PTPN14: variants seen among roughly 807,000 people sequenced by gnomAD.
PTPN14 encodes tyrosine-protein phosphatase non-receptor type 14.
In PTPN14, 53 loss-of-function variants were observed where a neutral mutation model predicts 126.8. The ratio of observed to expected loss-of-function variants is 0.42; its 90% confidence interval spans 0.34 to 0.53. PTPN14 has a LOEUF of 0.53. Ranked by LOEUF, PTPN14 falls within the 20% of genes least tolerant of loss-of-function variation. The probability of loss-of-function intolerance (pLI) is 0.08; values close to 1 mark genes in which losing one functional copy is unlikely to be tolerated. For synonymous variants in PTPN14, 630 were observed against 599.3 expected (o/e 1.05, Z -0.75); for missense variants, 1,257 against 1,552.9 (o/e 0.81, Z 3.20).
chr1:214,429,197 G>A (rs1217236789), intron 3 of PTPN14, among the ~76,000 whole-genome samples: 3 of 152,098 alleles, frequency 2.0e-5, no homozygotes, highest in Non-Finnish European at 4.4e-5. Flanking sequence ...GTCTAAAGAA[G>A]AATATGATCA....
chr1:214,435,190 T>G (rs1659884475), intron 3 of PTPN14, among the ~76,000 whole-genome samples: 1 of 152,074 alleles, frequency 6.6e-6, no homozygotes, highest in African/African-American at 2.4e-5. Flanking sequence ...TATTTATATA[T>G]TGGGCCAGGA....
chr1:214,460,643 G>C (rs1572014103), intron 2 of PTPN14, among the ~76,000 whole-genome samples: 3 of 150,852 alleles, frequency 2.0e-5, no homozygotes. Flanking sequence ...ACACACATCA[G>C]TGCAAACTGA....
At chr1:214,507,920 G>A (rs1654881450) in intron 1 of PTPN14, among the ~76,000 whole-genome samples, 1 of 152,084 alleles carries the variant, frequency 6.6e-6, no homozygotes. Flanking sequence ...GTTCCAGGCT[G>A]CAGTGAGCTA....
intron 12 of PTPN14, among the ~76,000 whole-genome samples, chr1:214,385,354 T>A (rs1457554901): frequency 1.3e-5 from 2 of 152,168 alleles, no homozygotes; most frequent in South Asian, 2.1e-4. Flanking sequence ...AAGGGCAAAA[T>A]TAGAATCAAG....
At chr1:214,518,981 G>A (rs375206660) in intron 1 of PTPN14, among the ~76,000 whole-genome samples, 1 of 152,048 alleles carries the variant, frequency 6.6e-6, no homozygotes, top group Non-Finnish European at 1.5e-5. Flanking sequence ...AGAACAAAAC[G>A]AAACAGGCCA....
intron 5 of PTPN14, among the ~76,000 whole-genome samples, chr1:214,406,986 T>C (rs1469301442): frequency 3.3e-5 from 5 of 152,178 alleles, no homozygotes; most frequent in African/African-American, 7.2e-5. Context: ...GTACACACTC[T>C]AAAATTCTAA....
At chr1:214,515,888 A>G (rs1655092309) in intron 1 of PTPN14, among the ~76,000 whole-genome samples, 1 of 152,122 alleles carries the variant, frequency 6.6e-6, no homozygotes, top group African/African-American at 2.4e-5. Context: ...ATATCTTGCT[A>G]TTTCACTGAC....
intron 1 of PTPN14, among the ~76,000 whole-genome samples, chr1:214,481,511 C>CAAAAAAAAAAA (rs371949252): frequency 1.5e-5 from 1 of 67,452 alleles, no homozygotes; most frequent in East Asian, 4.2e-4. Flanking sequence ...AACTCCCGCT[C>CAAAAAAAAAAA]AAAAAAAAAA....
chr1:214,442,445 G>A (rs574072719), intron 3 of PTPN14, among the ~76,000 whole-genome samples: 4 of 152,252 alleles, frequency 2.6e-5, no homozygotes, highest in African/African-American at 4.8e-5. Flanking sequence ...TAAAACATAC[G>A]TATAAGCATA....
chr1:214,449,148 A>C (rs1257531041), intron 3 of PTPN14, among the ~76,000 whole-genome samples: 9 of 149,834 alleles, frequency 6.0e-5, no homozygotes, highest in East Asian at 2.0e-4. Context: ...CTGGGACTAC[A>C]GGCGCCCACC....
rs2102522649 is a variant in PTPN14 at position 214,372,952 on chromosome 1, A to C, written c.2908-113T>G. 14 of 1,427,622 alleles carry C rather than the reference A, an allele frequency of 9.8e-6. No homozygotes were observed. In the South Asian group the frequency reaches 1.5e-4, roughly 15 times the overall value. 88.4% of individuals were successfully genotyped at this position (1,427,622 alleles called of 1,614,324 possible). On this transcript the variant is annotated intron_variant, in intron 15 of 18. Transcript: ENST00000366956. ...AACCTTGGATATATTTTTGGGGCCG[A>C]ATGAATTAGTTCAATGAACAAAAAC... is the stretch of plus-strand genomic sequence containing the variant.
intron 1 of PTPN14, among the ~76,000 whole-genome samples, chr1:214,492,430 C>T (rs1484227327): frequency 1.3e-5 from 2 of 152,188 alleles, no homozygotes. Flanking sequence ...ACATATAACA[C>T]TGATTTAATT....
chr1:214,385,842 C>T (rs553142643), intron 12 of PTPN14, among the ~76,000 whole-genome samples: 3 of 152,276 alleles, frequency 2.0e-5, no homozygotes, highest in East Asian at 3.9e-4. Flanking sequence ...TTATCCACCT[C>T]CCATGGGGTT....
intron 1 of PTPN14, among the ~76,000 whole-genome samples, chr1:214,484,221 C>T (rs12726438): frequency 0.12 from 17,899 of 152,172 alleles, 1,552 homozygotes; most frequent in East Asian, 0.38. Flanking sequence ...CTGATCAACA[C>T]AGTATCACCT....
intron 1 of PTPN14, among the ~76,000 whole-genome samples, chr1:214,487,590 C>T (rs1034263199): frequency 6.7e-6 from 1 of 148,216 alleles, no homozygotes; most frequent in South Asian, 2.2e-4. Context: ...GCAGAGATCA[C>T]GCCACTGCAC....
At chr1:214,496,677 T>G (rs1356138431) in intron 1 of PTPN14, among the ~76,000 whole-genome samples, 1 of 152,190 alleles carries the variant, frequency 6.6e-6, no homozygotes, top group Non-Finnish European at 1.5e-5. Flanking sequence ...CAGAGAACAC[T>G]ATTAGAAACT....
Position 214,364,503 on chromosome 1 carries a change from A to G in PTPN14, c.3435+9T>C. 1 of 1,613,218 alleles carries G rather than the reference A, an allele frequency of 6.2e-7. No individual in the cohort carries two copies. Among genetic ancestry groups the G allele is most frequent in the Non-Finnish European group, 8.5e-7 (1 of 1,179,562 alleles). ...TGGAGTATCCGGAGAGAAGCCCAGA[A>G]TGACTCACTTCGTTATGTTCCAAGC... On this transcript the variant is annotated intron_variant, in intron 18 of 18. Coordinates refer to ENST00000366956, the MANE Select transcript of PTPN14 (RefSeq NM_005401.5). This position sits in a 1 kb window ranked among gnomAD's most constrained non-coding sequence, Gnocchi z 4.1.
intron 10 of PTPN14, among the ~76,000 whole-genome samples, chr1:214,393,424 G>T (rs1170790108): frequency 1.3e-5 from 2 of 152,234 alleles, no homozygotes; most frequent in African/African-American, 4.8e-5. Context: ...CTAGCAGAGG[G>T]TTGGAAAGGC....
At position 214,464,962 on chromosome 1, in the gene PTPN14, A is replaced by C; in HGVS notation, c.-154-5T>G. The C allele has an allele frequency of 5.8e-6, 5 of 867,196 alleles. No homozygotes were observed. Among genetic ancestry groups the C allele is most frequent in the Non-Finnish European group, 6.9e-6 (4 of 582,280 alleles). The allele number at this position is 867,196 out of a possible 1,614,324, so 53.7% of individuals were successfully genotyped here. On this transcript the variant is annotated splice_polypyrimidine_tract_variant and splice_region_variant and intron_variant, in intron 1 of 18. Transcript: ENST00000366956. ...GTGTGGCCCTCTGGAAGATAGCTGT[A>C]AATGCAAAAGAAATGCCATGGTCAT...
Sources: gnomAD v4.1 joint callset for allele counts (sites outside exome capture counted in the v4.1 genomes callset) on GRCh38, gnomAD v4.1.1 for gene constraint, Gnocchi (gnomAD v3.1) non-coding constraint, MANE v1.5 for transcripts, NCBI Gene and HGNC (gene_info 2026-07-23, HGNC 2026-07-21) for gene names.